ROR1: variants seen among roughly 807,000 people sequenced by gnomAD.
ROR1 encodes ROR family WNT receptor 1.
ROR1 carries 19 observed loss-of-function variants against 78.8 expected under a neutral mutation model. The observed-to-expected ratio is 0.24, with a 90% CI of 0.17 to 0.35. The LOEUF (loss-of-function observed/expected upper bound fraction) is 0.35, where lower values mean the gene tolerates loss of function less well. Among genes scored for constraint, ROR1 ranks in the 10% least tolerant of loss-of-function variants. The pLI is 1.00. For missense variants in ROR1, 917 were observed against 1,177.8 expected (o/e 0.78, Z 3.24); for synonymous variants, 386 against 433.6 (o/e 0.89, Z 1.36).
intron 1 of ROR1, among the ~76,000 whole-genome samples, chr1:63,993,434 C>T (rs1263984851): frequency 6.6e-6 from 1 of 152,138 alleles, no homozygotes; most frequent in African/African-American, 2.4e-5. Context: ...CACCAGTTCC[C>T]CTTCTCTGGT....
intron 4 of ROR1, among the ~76,000 whole-genome samples, chr1:64,117,313 A>AT (rs1287159047): frequency 6.6e-6 from 1 of 152,158 alleles, no homozygotes; most frequent in African/African-American, 2.4e-5. Context: ...TCTTAGCATG[A>AT]TTTTGAGGAT....
intron 2 of ROR1, 61 bp from the exon 3 acceptor site, chr1:64,049,630 C>T (rs1379061803): frequency 8.1e-6 from 12 of 1,487,098 alleles, no homozygotes; most frequent in African/African-American, 1.4e-5. Context: ...GGGGATTTGG[C>T]TGCTTGGAAG....
At chr1:64,013,223 C>G (rs59421514) in intron 2 of ROR1, among the ~76,000 whole-genome samples, 6,524 of 152,148 alleles carry the variant, frequency 0.043, 494 homozygotes, top group African/African-American at 0.15. Context: ...AAATATCATG[C>G]GTACTTCAAC....
chr1:64,056,061 T>C (rs2100599214), intron 4 of ROR1, among the ~76,000 whole-genome samples: 1 of 152,302 alleles, frequency 6.6e-6, no homozygotes, highest in South Asian at 2.1e-4. Flanking sequence ...TATACCACAT[T>C]TCGTTTATCC....
chr1:63,999,907 C>G (rs1421195162), intron 1 of ROR1, among the ~76,000 whole-genome samples: 1 of 152,156 alleles, frequency 6.6e-6, no homozygotes, highest in Admixed American at 6.5e-5. Flanking sequence ...GAGTCAAGAA[C>G]AAACTCTCAG....
At chr1:64,062,552 C>G (rs985857200) in intron 4 of ROR1, among the ~76,000 whole-genome samples, 1 of 152,160 alleles carries the variant, frequency 6.6e-6, no homozygotes, top group Non-Finnish European at 1.5e-5. Flanking sequence ...ACCTCGTAAT[C>G]TGCCCACCTC....
At chr1:64,053,701 T>C (rs970895169) in intron 4 of ROR1, among the ~76,000 whole-genome samples, 7 of 152,226 alleles carry the variant, frequency 4.6e-5, no homozygotes, top group Non-Finnish European at 8.8e-5. Context: ...TGGTGTGTTT[T>C]AAATGATTAA....
intron 1 of ROR1, among the ~76,000 whole-genome samples, chr1:63,831,667 C>T (rs1194008147): frequency 6.6e-6 from 1 of 152,210 alleles, no homozygotes; most frequent in Non-Finnish European, 1.5e-5. Context: ...CCATGAAGAT[C>T]TCTGAATTGC....
chr1:63,944,006 C>G (rs1392139408), intron 1 of ROR1, among the ~76,000 whole-genome samples: 1 of 152,044 alleles, frequency 6.6e-6, no homozygotes, highest in East Asian at 1.9e-4. Flanking sequence ...TCATTCATTG[C>G]TTGGAAATTT....
chr1:63,979,697 G>A (rs891772868), intron 1 of ROR1, among the ~76,000 whole-genome samples: 2 of 152,126 alleles, frequency 1.3e-5, no homozygotes, highest in South Asian at 2.1e-4. Flanking sequence ...AGCCTTAGGG[G>A]CACAGAGCTG....
At chr1:63,961,647 G>A (rs775725591) in intron 1 of ROR1, among the ~76,000 whole-genome samples, 2 of 152,182 alleles carry the variant, frequency 1.3e-5, no homozygotes, top group Non-Finnish European at 2.9e-5. Context: ...TGATCTCTTA[G>A]AAGCAGAGAG....
At chr1:64,142,918 T>A in intron 7 of ROR1, 3 of 1,285,984 alleles carry the variant, frequency 2.3e-6, no homozygotes, top group Non-Finnish European at 3.0e-6. Context: ...GAGGCACAGT[T>A]GAGACAGTTT....
At chr1:63,833,605 G>A (rs1373003905) in intron 1 of ROR1, among the ~76,000 whole-genome samples, 1 of 152,150 alleles carries the variant, frequency 6.6e-6, no homozygotes, top group Non-Finnish European at 1.5e-5. Flanking sequence ...GCTCTGGGAG[G>A]GGAGAGGACA....
At chr1:64,152,346 A>C (rs1222507245) in intron 7 of ROR1, among the ~76,000 whole-genome samples, 1 of 152,152 alleles carries the variant, frequency 6.6e-6, no homozygotes, top group Non-Finnish European at 1.5e-5. Context: ...AGCCCTCCTT[A>C]AAAATGTGGC....
intron 4 of ROR1, among the ~76,000 whole-genome samples, chr1:64,057,016 ACATTCAATTTATTACC>A (rs1288125131): frequency 6.6e-6 from 1 of 152,182 alleles, no homozygotes; most frequent in Non-Finnish European, 1.5e-5. Context: ...CATTTTGATG[ACATTCAATTTATTACC>A]CATTCTTTGG....
At chr1:64,155,705 A>G (rs890488004) in intron 7 of ROR1, among the ~76,000 whole-genome samples, 2 of 152,190 alleles carry the variant, frequency 1.3e-5, no homozygotes, top group Non-Finnish European at 2.9e-5. Flanking sequence ...TCTTGTTGCT[A>G]AAAATCTGGC....
intron 4 of ROR1, among the ~76,000 whole-genome samples, chr1:64,115,072 C>A (rs949830859): frequency 6.6e-6 from 1 of 152,126 alleles, no homozygotes; most frequent in Non-Finnish European, 1.5e-5. Flanking sequence ...TCAAGCAATC[C>A]CCCTACCTCA....
chr1:63,876,686 G>T (rs866121331), intron 1 of ROR1, among the ~76,000 whole-genome samples: 3 of 146,740 alleles, frequency 2.0e-5, no homozygotes, highest in African/African-American at 7.8e-5. Flanking sequence ...GTGTGTGCGC[G>T]TGTGTGTGTG....
rs551707797 is a variant in ROR1 at position 63,905,960 on chromosome 1, T to C, written c.92-103345T>C. Among the ~76,000 whole-genome samples, 3 of 152,310 alleles carry C rather than the reference T, an allele frequency of 2.0e-5. No individual in the cohort carries two copies. The South Asian group carries it at 6.2e-4, about 32-fold the overall frequency. ...TTGGGACTTCATAGATCAGGGAATA[T>C]CATAATTATTACTGATAATTAGCTA... On this transcript the variant is annotated intron_variant, in intron 1 of 8. Coordinates refer to ENST00000371079, the MANE Select transcript of ROR1 (RefSeq NM_005012.4).
Sources: allele counts gnomAD v4.1 joint callset (sites outside exome capture counted in the v4.1 genomes callset), GRCh38; gene constraint gnomAD v4.1.1; transcripts MANE v1.5; gene names NCBI Gene and HGNC (gene_info 2026-07-23, HGNC 2026-07-21).